The following P3H1 variants were observed in gnomAD, a reference collection of about 807,000 sequenced individuals.
The protein encoded by P3H1 is prolyl 3-hydroxylase 1.
P3H1 carries 69 observed loss-of-function variants against 84.0 expected under a neutral mutation model. The observed-to-expected ratio is 0.82, with a 90% CI of 0.68 to 1.00. The LOEUF (loss-of-function observed/expected upper bound fraction) is 1.00, where lower values mean the gene tolerates loss of function less well. Among genes scored for constraint, P3H1 ranks in the 50% least tolerant of loss-of-function variants. The pLI is 0.00. For missense variants in P3H1, 878 were observed against 962.8 expected (o/e 0.91, Z 1.17); for synonymous variants, 366 against 388.8 (o/e 0.94, Z 0.69).
intron 11 of P3H1, 114 bp from the exon 12 acceptor site, chr1:42,748,431 G>A (rs757194210): frequency 3.2e-5 from 26 of 823,864 alleles, no homozygotes; most frequent in Middle Eastern, 4.5e-4. Flanking sequence ...AATGCCCAAT[G>A]AACTAGGGGG....
At chr1:42,758,472 G>A (rs1466343207) in intron 4 of P3H1, among the ~76,000 whole-genome samples, 2 of 152,202 alleles carry the variant, frequency 1.3e-5, no homozygotes, top group African/African-American at 4.8e-5. Context: ...GGTTTTCTGG[G>A]TATTAATTGG....
intron 8 of P3H1, among the ~76,000 whole-genome samples, chr1:42,753,752 C>A (rs1460945973): frequency 6.6e-6 from 1 of 151,990 alleles, no homozygotes; most frequent in Admixed American, 6.5e-5. Context: ...GAAACCCTAT[C>A]TCTACTAAAA....
intron 1 of P3H1, among the ~76,000 whole-genome samples, chr1:42,766,021 C>CCCA (rs1240213907): frequency 5.7e-5 from 8 of 141,334 alleles, no homozygotes; most frequent in South Asian, 2.4e-4. Flanking sequence ...CCCCCCGCCC[C>CCCA]CACACACACA....
At chr1:42,749,670 G>A (rs1003950052) in intron 11 of P3H1, among the ~76,000 whole-genome samples, 1 of 152,180 alleles carries the variant, frequency 6.6e-6, no homozygotes, top group Admixed American at 6.5e-5. Context: ...CTCCACTCCT[G>A]TGCAAACACC....
chr1:42,765,258 T>C (rs1003600154), intron 1 of P3H1, among the ~76,000 whole-genome samples: 1 of 152,236 alleles, frequency 6.6e-6, no homozygotes, highest in African/African-American at 2.4e-5. Flanking sequence ...GGAGCCTTCT[T>C]TCCTCTCCCC....
rs1040406238 is a variant in P3H1, at chr1:42,754,134, G to C, written c.1345+735C>G. ...GGTTAAGGGGCAGGCACGGAGGATG[G>C]GTCAGAGGCCAGTGTCTGGAAGACT... On this transcript the variant is annotated intron_variant, in intron 8 of 14. Transcript: ENST00000296388. This position sits in a 1 kb window ranked among gnomAD's most constrained non-coding sequence, Gnocchi z 4.0. Among the ~76,000 whole-genome samples, 3 of 152,182 alleles carry C rather than the reference G, an allele frequency of 2.0e-5. No individual in the cohort carries two copies. Among genetic ancestry groups the C allele is most frequent in the Admixed American group, 6.5e-5 (1 of 15,270 alleles).
intron 2 of P3H1, chr1:42,761,919 C>CAATAA (rs1652739778): frequency 4.7e-6 from 1 of 211,874 alleles, no homozygotes; most frequent in Admixed American, 5.3e-5. Context: ...AAAATGCATA[C>CAATAA]ATGATATAAC....
At chr1:42,751,984 TC>T in intron 10 of P3H1, 1 of 460,210 alleles carries the variant, frequency 2.2e-6, no homozygotes, top group Non-Finnish European at 4.0e-6. Context: ...ACACTGTGCA[TC>T]CTGCACAGAA....
chr1:42,749,331 A>C (rs1651905339), intron 11 of P3H1, among the ~76,000 whole-genome samples: 1 of 152,188 alleles, frequency 6.6e-6, no homozygotes, highest in Non-Finnish European at 1.5e-5. Flanking sequence ...GCCACGTACC[A>C]ATGGCCATCA....
rs1259420483 is a variant in P3H1, at chr1:42,766,659, G to T, written c.313C>A (p.Arg105Ser). 1 of 1,552,894 alleles carries T rather than the reference G, an allele frequency of 6.4e-7. No individual in the cohort carries two copies. The change falls in exon 1 of 15, where the codon CGC (arginine) becomes AGC (serine). Residue 105 changes from arginine (R) to serine (S), a missense_variant. By Grantham distance (110) the Arg-to-Ser change is moderately radical. Transcript: ENST00000296388. Reference sequence around the variant, plus strand: ...AGGCCCCCGAAGAAGCTCAGGTCGCGCAGGGCGGCGGCGCCCGAGGCCTGG... The same window carrying T: ...AGGCCCCCGAAGAAGCTCAGGTCGCTCAGGGCGGCGGCGCCCGAGGCCTGG... ...PAQASGAAAL[R>S]DLSFFGGLLR...
Position 42,746,526 on chromosome 1 carries a change from A to T in P3H1, c.*171T>A, listed in dbSNP as rs1202171989. On this transcript the variant is annotated 3_prime_UTR_variant, in exon 15 of 15. Coordinates refer to ENST00000296388, the MANE Select transcript of P3H1 (RefSeq NM_022356.4). Reference sequence around the variant, plus strand: ...GATCCAGGGGGTGCGGTGTCTGGTCATGTCCACTCCAAGAGCAGTAGCACC... The same window carrying T: ...GATCCAGGGGGTGCGGTGTCTGGTCTTGTCCACTCCAAGAGCAGTAGCACC... The T allele has an allele frequency of 4.7e-6, 3 of 638,846 alleles. No homozygotes were observed. Among genetic ancestry groups the T allele is most frequent in the African/African-American group, 1.8e-5 (1 of 54,928 alleles). The allele number at this position is 638,846 out of a possible 1,614,324, so 39.6% of individuals were successfully genotyped here.
intron 13 of P3H1, 108 bp downstream of exon 13, chr1:42,747,615 G>A (rs914953761): frequency 1.9e-5 from 24 of 1,262,442 alleles, no homozygotes; most frequent in East Asian, 4.6e-5. Flanking sequence ...GAAGGGTACC[G>A]CCCACTGGGA....
At position 42,752,668 on chromosome 1, in the gene P3H1, C is replaced by A. The variant is rs1652180341; in HGVS notation, c.1346-4G>T. On this transcript the variant is annotated splice_region_variant and splice_polypyrimidine_tract_variant and intron_variant, in intron 8 of 14. Coordinates refer to ENST00000296388, the MANE Select transcript of P3H1 (RefSeq NM_022356.4). ...CCTTCATACAGCAGGGGGCCACCTG[C>A]AAAGCAATGACAAAACTCTAGCTAA... 2 of 1,614,068 alleles carry A rather than the reference C, an allele frequency of 1.2e-6. No homozygotes were observed. Among genetic ancestry groups the A allele is most frequent in the African/African-American group, 1.3e-5 (1 of 74,920 alleles).
chr1:42,747,904 G>T, intron 12 of P3H1, 106 bp from the exon 13 acceptor site: 1 of 1,094,210 alleles, frequency 9.1e-7, no homozygotes, highest in Non-Finnish European at 1.4e-6. Flanking sequence ...GGCTTTGTGT[G>T]GGAGGGAAAC....
Position 42,752,364 on chromosome 1 carries a change from T to G in P3H1, c.1479A>C (p.Ala493=). The G allele has an allele frequency of 6.2e-7, 1 of 1,614,096 alleles. No individual in the cohort carries two copies. The highest frequency in any genetic ancestry group is 8.5e-7 in the Non-Finnish European group (1 of 1,180,026). Residue 493 remains alanine, a synonymous_variant, in exon 10 of 15, where the codon GCA becomes GCC. Transcript: ENST00000296388. ...CCCGGTAGCCATCTCCTGAGGTTGC[T>G]GCCACCTACAAGGCCCAAAACACAA... ...CQELQRLTNV[A]ATSGDGYRGQ...
Position 42,752,581 on chromosome 1 carries a change from C to A in P3H1, c.1429G>T (p.Val477Leu). 1 of 1,614,162 alleles carries A rather than the reference C, an allele frequency of 6.2e-7. No homozygotes were observed. The highest frequency in any genetic ancestry group is 8.5e-7 in the Non-Finnish European group (1 of 1,180,024). Residue 477 changes from valine (V) to leucine (L), a missense_variant, in exon 9 of 15, where the codon GTA (valine) becomes TTA (leucine). Coordinates refer to ENST00000296388, the MANE Select transcript of P3H1 (RefSeq NM_022356.4). ...TCCTGACACTCGTGGTCAGAGATTACGCCGTCCATCACCACCCGCTGGGAA... is the reference window on the plus strand; with the variant it reads ...TCCTGACACTCGTGGTCAGAGATTAAGCCGTCCATCACCACCCGCTGGGAA... ...NGSQRVVMDG[V>L]ISDHECQELQ...
chr1:42,763,502 T>TACTAAAAATA (rs1652825925), intron 1 of P3H1, among the ~76,000 whole-genome samples: 1 of 150,054 alleles, frequency 6.7e-6, no homozygotes, highest in Non-Finnish European at 1.5e-5. Context: ...TGAAACCCCG[T>TACTAAAAATA]CTCTACTAAA....
chr1:42,759,526 A>G (rs1652591421), intron 2 of P3H1, 136 bp from the exon 3 acceptor site: 1 of 700,644 alleles, frequency 1.4e-6, no homozygotes, highest in Non-Finnish European at 2.5e-6. Context: ...GGGTACCACT[A>G]TAAAATGAAG....
chr1:42,751,813 AACGG>A, intron 10 of P3H1: 1 of 221,516 alleles, frequency 4.5e-6, no homozygotes, highest in South Asian at 7.4e-5. Context: ...GCAGTGTGAA[AACGG>A]ACTAACACAA....
Sources: gnomAD v4.1 joint callset for allele counts (sites outside exome capture counted in the v4.1 genomes callset) on GRCh38, gnomAD v4.1.1 for gene constraint, Gnocchi (gnomAD v3.1) non-coding constraint, MANE v1.5 for transcripts, NCBI Gene and HGNC (gene_info 2026-07-23, HGNC 2026-07-21) for gene names.